Variants in CUEDC2 observed in about 807,000 individuals in gnomAD.
CUEDC2 encodes CUE domain containing 2, also known as CUE domain-containing protein 2.
CUEDC2 carries 10 observed loss-of-function variants against 36.0 expected under a neutral mutation model. The ratio of observed to expected loss-of-function variants is 0.28; its 90% CI spans 0.17 to 0.47. The LOEUF is 0.47. CUEDC2 is among the 20% of genes least tolerant of loss of function. The probability of loss-of-function intolerance (pLI) is 0.99; values close to 1 mark genes in which losing one functional copy is unlikely to be tolerated. For missense variants in CUEDC2, 269 were observed against 368.1 expected, an observed-to-expected ratio of 0.73 and a Z score of 2.20; for synonymous variants, 133 against 141.8, an observed-to-expected ratio of 0.94 and a Z score of 0.44.
chr10:102,425,003 A>G, intron 2 of CUEDC2, 112 bp downstream of exon 2: 10 of 1,032,216 alleles, frequency 9.7e-6, no homozygotes, highest in Non-Finnish European at 1.5e-5. Flanking sequence ...AAGGCCTCTC[A>G]GCAAATCCTA....
In CUEDC2 at chr10:102,432,207, G is replaced by A. The variant is rs142262811; in HGVS notation, c.-11+319C>T. ...GTCAGGCGGGAGCACAAACAGGGAG[G>A]GCGAGCACAGGAAGTGGGACCGCGA... On this transcript the variant is annotated intron_variant, in intron 1 of 8. Transcript: ENST00000369937. Among the ~76,000 whole-genome samples, 284 of 152,282 alleles carry A rather than the reference G, an allele frequency of 1.9e-3. 1 individual carries two copies. The highest frequency in any genetic ancestry group is 5.6e-3 in the African/African-American group (234 of 41,544).
intron 1 of CUEDC2, among the ~76,000 whole-genome samples, chr10:102,428,130 A>T (rs1057506609): frequency 6.6e-6 from 1 of 152,108 alleles, no homozygotes; most frequent in Admixed American, 6.6e-5. Context: ...TAGTAGAGAC[A>T]GGGTTTCACC....
chr10:102,424,895 C>G lies in CUEDC2; in HGVS notation c.75-103G>C. ...CCCTCAGCTTCATGGGGTCTATGAGCTAGACCTTTATCTTTAAGGCCAGAG... is the reference window on the plus strand; with the variant it reads ...CCCTCAGCTTCATGGGGTCTATGAGGTAGACCTTTATCTTTAAGGCCAGAG... On this transcript the variant is annotated intron_variant, in intron 2 of 8. Transcript: ENST00000369937. The surrounding 1 kb of genome is among the most constrained non-coding windows in gnomAD (Gnocchi z 4.2). The G allele has an allele frequency of 1.6e-6, 2 of 1,277,330 alleles. No individual in the cohort carries two copies. The highest frequency in any genetic ancestry group is 3.0e-5 in the African/African-American group (2 of 67,514). 79.1% of individuals were successfully genotyped at this position (1,277,330 alleles called of 1,614,324 possible).
At position 102,424,291 on chromosome 10, in the gene CUEDC2, A is replaced by AGCC; in HGVS notation, c.381_383dup (p.Ala132dup). ...CATCTTGGGTGTCTGCAGCAGCAGC[A>AGCC]GCCGAAGACCTAGTCTCTTCTTTGA... On this transcript the variant is annotated inframe_insertion, in exon 5 of 9. Coordinates refer to ENST00000369937, the MANE Select transcript of CUEDC2 (RefSeq NM_024040.3). The surrounding 1 kb of genome is among the most constrained non-coding windows in gnomAD (Gnocchi z 4.2). The AGCC allele has an allele frequency of 6.2e-7, 1 of 1,614,046 alleles. No homozygotes were observed. Among genetic ancestry groups the AGCC allele is most frequent in the Non-Finnish European group, 8.5e-7 (1 of 1,179,982 alleles).
Position 102,424,370 on chromosome 10 carries a change from C to T in CUEDC2, c.305G>A (p.Gly102Asp), listed in dbSNP as rs765147212. Reference sequence around the variant, plus strand: ...GGAGATGGGCACCTGACCTTGGACACCAGAGCTCTGCGGTTGCAGGTTCTC... The same window carrying T: ...GGAGATGGGCACCTGACCTTGGACATCAGAGCTCTGCGGTTGCAGGTTCTC... ...NKENLQPQSS[G>D]VQGQVPISPE... is the part of the protein sequence containing the mutation. The change falls in exon 5 of 9, where the codon GGT becomes GAT. Residue 102 changes from glycine (G) to aspartate (D), a missense_variant. Coordinates refer to ENST00000369937, the MANE Select transcript of CUEDC2 (RefSeq NM_024040.3). The surrounding 1 kb of genome is among the most constrained non-coding windows in gnomAD (Gnocchi z 4.2). 3 of 1,614,018 alleles carry T rather than the reference C, an allele frequency of 1.9e-6. No homozygotes were observed. Among genetic ancestry groups the T allele is most frequent in the African/African-American group, 2.7e-5 (2 of 74,910 alleles).
chr10:102,425,138 T>G lies in CUEDC2; in HGVS notation c.51A>C (p.Thr17=). 1 of 1,613,876 alleles carries G rather than the reference T, an allele frequency of 6.2e-7. No individual in the cohort carries two copies. The highest frequency in any genetic ancestry group is 1.1e-5 in the South Asian group (1 of 91,076). The part of the protein sequence containing the change: ...VSAALLAFVQ[T]HLPEADLSGL... ...ACCTGAGGTCGGCCTCCGGGAGGTG[T>G]GTCTGGACAAAGGCAAGGAGGGCTG... Residue 17 remains threonine (T), a synonymous_variant, in exon 2 of 9, where the codon ACA becomes ACC. Coordinates refer to ENST00000369937, the MANE Select transcript of CUEDC2 (RefSeq NM_024040.3).
rs1226589365 is a variant in CUEDC2, at chr10:102,424,163, C to T, written c.427G>A (p.Glu143Lys). The part of the protein sequence containing the change: ...DTQDEATGAE[E>K]ELLPGVDVLL... Reference sequence around the variant, plus strand: ...ACATCCACCCCTGGCAGAAGCTCCTCCTCAGCGCCAGTTGCCTAAGGGTAC... The same window carrying T: ...ACATCCACCCCTGGCAGAAGCTCCTTCTCAGCGCCAGTTGCCTAAGGGTAC... Residue 143 changes from glutamate (E) to lysine (K), a missense_variant, in exon 6 of 9, where the codon GAG (glutamate) becomes AAG (lysine). Transcript: ENST00000369937. This position sits in a 1 kb window ranked among gnomAD's most constrained non-coding sequence, Gnocchi z 4.2. 2 of 1,613,970 alleles carry T rather than the reference C, an allele frequency of 1.2e-6. No individual in the cohort carries two copies. Among genetic ancestry groups the T allele is most frequent in the Non-Finnish European group, 1.7e-6 (2 of 1,179,910 alleles).
At chr10:102,426,733 G>C (rs535123131) in intron 1 of CUEDC2, among the ~76,000 whole-genome samples, 1 of 152,144 alleles carries the variant, frequency 6.6e-6, no homozygotes, top group East Asian at 1.9e-4. Context: ...CCCAGCTCAA[G>C]CCATCCTCCT....
At chr10:102,428,526 G>A (rs184376685) in intron 1 of CUEDC2, among the ~76,000 whole-genome samples, 1 of 152,246 alleles carries the variant, frequency 6.6e-6, no homozygotes, top group East Asian at 1.9e-4. Flanking sequence ...TCCTCTGCCT[G>A]GGCACCCTTC....
rs749421817 is a variant in CUEDC2 at position 102,423,415 on chromosome 10, C to T, written c.*11G>A. ...GAGCCTAGAAGGCTCGGGCAGAGTC[C>T]GGCGAGTGCCTCAATGGAAGCGGTA... On this transcript the variant is annotated 3_prime_UTR_variant, in exon 9 of 9. Transcript: ENST00000369937. The surrounding 1 kb of genome is among the most constrained non-coding windows in gnomAD (Gnocchi z 5.6). 9.3e-6 allele frequency: 15 copies of T among 1,614,066 alleles called. No homozygotes were observed. Among genetic ancestry groups the T allele is most frequent in the South Asian group, 7.7e-5 (7 of 91,082 alleles).
Position 102,423,749 on chromosome 10 carries a change from C to T in CUEDC2, c.657-32G>A, listed in dbSNP as rs760461972. On this transcript the variant is annotated intron_variant, in intron 7 of 8. Transcript: ENST00000369937. This position sits in a 1 kb window ranked among gnomAD's most constrained non-coding sequence, Gnocchi z 5.6. Reference sequence around the variant, plus strand: ...AAAACTGGCTGGGTGAAGCTCCTGTCACCCTGGGAAGACCCTCTAGGGCCC... The same window carrying T: ...AAAACTGGCTGGGTGAAGCTCCTGTTACCCTGGGAAGACCCTCTAGGGCCC... 6.2e-7 allele frequency: 1 copy of T among 1,613,990 alleles called. No individual in the cohort carries two copies. Among genetic ancestry groups the T allele is most frequent in the African/African-American group, 1.3e-5 (1 of 74,934 alleles).
chr10:102,423,486 G>C lies in CUEDC2; in HGVS notation c.804C>G (p.Ala268=), dbSNP rs543941583. The C allele has an allele frequency of 6.2e-7, 1 of 1,614,110 alleles. No individual in the cohort carries two copies. The highest frequency in any genetic ancestry group is 1.7e-5 in the Admixed American group (1 of 60,012). The change falls in exon 9 of 9, where the codon GCC becomes GCG. Residue 268 remains alanine, a synonymous_variant. Transcript: ENST00000369937. This position sits in a 1 kb window ranked among gnomAD's most constrained non-coding sequence, Gnocchi z 5.6. Reference sequence around the variant, plus strand: ...TGATGTATGTGGCCTTCATCTCCTCGGCCTCAGGGTTCCGCACATCTTTGA... The same window carrying C: ...TGATGTATGTGGCCTTCATCTCCTCCGCCTCAGGGTTCCGCACATCTTTGA... ...ERFKDVRNPE[A]EEMKATYINL...
chr10:102,425,926 C>T (rs577479424), intron 1 of CUEDC2, among the ~76,000 whole-genome samples: 33 of 152,202 alleles, frequency 2.2e-4, no homozygotes, highest in East Asian at 1.4e-3. Context: ...CTGTGTCCTG[C>T]GGGACATCCA....
chr10:102,425,498 G>A (rs2061593066), intron 1 of CUEDC2, among the ~76,000 whole-genome samples: 1 of 132,866 alleles, frequency 7.5e-6, no homozygotes, highest in African/African-American at 2.9e-5. Context: ...CAGACCTTCT[G>A]ACAAGGTCTT....
chr10:102,425,722 TTC>T (rs2061593824), intron 1 of CUEDC2, among the ~76,000 whole-genome samples: 1 of 151,682 alleles, frequency 6.6e-6, no homozygotes, highest in African/African-American at 2.4e-5. Context: ...CTTTCATGGA[TTC>T]TCTCTTCTCG....
In CUEDC2 at chr10:102,423,445, C is replaced by T. The variant is rs1363106206; in HGVS notation, c.845G>A (p.Arg282Lys). 6.2e-7 allele frequency: 1 copy of T among 1,614,238 alleles called. No individual in the cohort carries two copies. The highest frequency in any genetic ancestry group is 1.7e-5 in the Admixed American group (1 of 60,022). The change falls in exon 9 of 9, where the codon AGA (arginine) becomes AAA (lysine). Residue 282 changes from arginine (R) to lysine (K), a missense_variant. Coordinates refer to ENST00000369937, the MANE Select transcript of CUEDC2 (RefSeq NM_024040.3). This position sits in a 1 kb window ranked among gnomAD's most constrained non-coding sequence, Gnocchi z 5.6. ...AGTGCCTCAATGGAAGCGGTACTTT[C>T]TGGCTGGCTTGAGGTTGATGTATGT... ...KATYINLKPA[R>K]KYRFH
intron 1 of CUEDC2, among the ~76,000 whole-genome samples, chr10:102,428,240 C>T (rs2061604918): frequency 6.6e-6 from 1 of 152,204 alleles, no homozygotes; most frequent in Non-Finnish European, 1.5e-5. Context: ...CACCCGGCCC[C>T]ACCCTGGCTT....
At position 102,423,401 on chromosome 10, in the gene CUEDC2, G is replaced by A. The variant is rs1301606234; in HGVS notation, c.*25C>T. 6.2e-7 allele frequency: 1 copy of A among 1,614,110 alleles called. No individual in the cohort carries two copies. The highest frequency in any genetic ancestry group is 1.1e-5 in the South Asian group (1 of 91,080). Reference sequence around the variant, plus strand: ...TCCCTCTGGGATCTGAGCCTAGAAGGCTCGGGCAGAGTCCGGCGAGTGCCT... The same window carrying A: ...TCCCTCTGGGATCTGAGCCTAGAAGACTCGGGCAGAGTCCGGCGAGTGCCT... On this transcript the variant is annotated 3_prime_UTR_variant, in exon 9 of 9. Coordinates refer to ENST00000369937, the MANE Select transcript of CUEDC2 (RefSeq NM_024040.3). This position sits in a 1 kb window ranked among gnomAD's most constrained non-coding sequence, Gnocchi z 5.6.
intron 1 of CUEDC2, among the ~76,000 whole-genome samples, chr10:102,428,314 C>G (rs919151159): frequency 6.6e-6 from 1 of 152,194 alleles, no homozygotes; most frequent in Non-Finnish European, 1.5e-5. Flanking sequence ...GAGCCTTCTG[C>G]CTCATCATCT....
Sources: gnomAD v4.1 joint callset for allele counts (sites outside exome capture counted in the v4.1 genomes callset) on GRCh38, gnomAD v4.1.1 for gene constraint, Gnocchi (gnomAD v3.1) non-coding constraint, MANE v1.5 for transcripts, NCBI Gene and HGNC (gene_info 2026-07-23, HGNC 2026-07-21) for gene names.